Variants in RSPO3 observed in about 807,000 individuals in gnomAD.
RSPO3 encodes R-spondin-3.
Under a neutral mutation model 36.5 loss-of-function variants are expected in RSPO3, and 17 were observed. That is an observed-to-expected ratio of 0.47 (90% CI 0.32 to 0.70). RSPO3 has a LOEUF of 0.70. RSPO3 is among the 30% of genes least tolerant of loss of function. The pLI is 0.04. For synonymous variants in RSPO3, 108 were observed against 107.0 expected (o/e 1.01, Z -0.06); for missense variants, 294 against 322.5 (o/e 0.91, Z 0.68).
intron 4 of RSPO3, among the ~76,000 whole-genome samples, chr6:127,187,110 A>C (rs1775310274): frequency 6.6e-6 from 1 of 152,216 alleles, no homozygotes; most frequent in African/African-American, 2.4e-5. Context: ...GCCAGCGGGC[A>C]TGGTGGTGAG....
chr6:127,122,919 G>A (rs1773872827), intron 1 of RSPO3, among the ~76,000 whole-genome samples: 1 of 151,968 alleles, frequency 6.6e-6, no homozygotes, highest in Non-Finnish European at 1.5e-5. Flanking sequence ...TTTATTTGAT[G>A]CCATCTAGTA....
At chr6:127,158,117 C>G (rs1211894418) in intron 4 of RSPO3, among the ~76,000 whole-genome samples, 3 of 150,338 alleles carry the variant, frequency 2.0e-5, no homozygotes, top group Non-Finnish European at 4.4e-5. Flanking sequence ...TATAGAGAAG[C>G]ATATCAACAG....
chr6:127,146,672 T>A (rs189202985), intron 1 of RSPO3, among the ~76,000 whole-genome samples: 106 of 152,216 alleles, frequency 7.0e-4, no homozygotes, highest in African/African-American at 2.3e-3. Context: ...TAGGGATGGA[T>A]TGGCATGGAC....
chr6:127,124,589 T>C (rs912740408), intron 1 of RSPO3, among the ~76,000 whole-genome samples: 2 of 152,056 alleles, frequency 1.3e-5, no homozygotes. Flanking sequence ...GCCTTTGATT[T>C]TAAGGGCAAA....
chr6:127,175,591 CAT>C (rs1283751653), intron 4 of RSPO3, among the ~76,000 whole-genome samples: 1 of 151,696 alleles, frequency 6.6e-6, no homozygotes, highest in Non-Finnish European at 1.5e-5. Flanking sequence ...ATCTAAAAAT[CAT>C]AGTTTGTTTC....
intron 1 of RSPO3, among the ~76,000 whole-genome samples, chr6:127,122,557 A>C (rs985333539): frequency 2.0e-5 from 3 of 152,218 alleles, no homozygotes; most frequent in African/African-American, 4.8e-5. Context: ...AGTAACCTAC[A>C]TAATGCCATA....
At chr6:127,170,919 A>T (rs1015125230) in intron 4 of RSPO3, among the ~76,000 whole-genome samples, 1 of 151,776 alleles carries the variant, frequency 6.6e-6, no homozygotes, top group African/African-American at 2.4e-5. Flanking sequence ...AGACTTTTCA[A>T]ATTTTGGAAG....
chr6:127,182,490 A>G (rs1461916326), intron 4 of RSPO3, among the ~76,000 whole-genome samples: 2 of 151,888 alleles, frequency 1.3e-5, no homozygotes, highest in Non-Finnish European at 2.9e-5. Context: ...CAATTAAATG[A>G]GAAATATTTA....
rs869033594 is a variant in RSPO3 at position 127,159,644 on chromosome 6, CT to C, written c.634+4228del. On this transcript the variant is annotated intron_variant, in intron 4 of 4. Coordinates refer to ENST00000356698, the MANE Select transcript of RSPO3 (RefSeq NM_032784.5). ...ATATAAAGGCATTACATACATTCTC[CT>C]TTTTTTTTTTTTTTTTTTTTTGAGA... 7.3e-3 allele frequency among the ~76,000 whole-genome samples: 901 copies of C among 123,274 alleles called. 1 individual carries two copies. Among genetic ancestry groups the C allele is most frequent in the African/African-American group, 0.017 (538 of 31,326 alleles). 80.9% of individuals were successfully genotyped at this position (123,274 alleles called of 152,430 possible).
intron 1 of RSPO3, among the ~76,000 whole-genome samples, chr6:127,132,918 T>C (rs1352156265): frequency 2.0e-5 from 3 of 152,070 alleles, no homozygotes; most frequent in Admixed American, 1.3e-4. Flanking sequence ...AGGAAAGGCA[T>C]ATGTCATTTA....
chr6:127,170,982 T>A (rs1231874157), intron 4 of RSPO3, among the ~76,000 whole-genome samples: 2 of 151,848 alleles, frequency 1.3e-5, no homozygotes, highest in Non-Finnish European at 1.5e-5. Context: ...ACAGTGTGAA[T>A]GTACTTAATG....
chr6:127,192,558 A>G, intron 4 of RSPO3: 1 of 577,090 alleles, frequency 1.7e-6, no homozygotes, highest in Middle Eastern at 8.7e-4. Context: ...ATGTTACACC[A>G]TAGTGCTTCT....
chr6:127,166,616 A>G (rs1774825901), intron 4 of RSPO3, among the ~76,000 whole-genome samples: 1 of 152,078 alleles, frequency 6.6e-6, no homozygotes, highest in African/African-American at 2.4e-5. Flanking sequence ...TGCCTGGCAC[A>G]GAGTAAGCAC....
intron 4 of RSPO3, among the ~76,000 whole-genome samples, chr6:127,192,249 T>G (rs1309961411): frequency 6.6e-6 from 1 of 152,202 alleles, no homozygotes; most frequent in East Asian, 1.9e-4. Flanking sequence ...TCCCCAGGTT[T>G]TATCACACAT....
chr6:127,141,738 A>G (rs750871070), intron 1 of RSPO3, among the ~76,000 whole-genome samples: 6 of 152,206 alleles, frequency 3.9e-5, no homozygotes, highest in Admixed American at 1.3e-4. Context: ...AAGATACAGT[A>G]GACTCTATTA....
intron 4 of RSPO3, among the ~76,000 whole-genome samples, chr6:127,190,761 A>G (rs1775393704): frequency 6.6e-6 from 1 of 152,188 alleles, no homozygotes; most frequent in Non-Finnish European, 1.5e-5. Flanking sequence ...TTACAGCTCA[A>G]TGGCTCCCCT....
intron 4 of RSPO3, among the ~76,000 whole-genome samples, chr6:127,180,766 G>C (rs965745976): frequency 7.9e-5 from 12 of 151,724 alleles, no homozygotes; most frequent in African/African-American, 2.9e-4. Context: ...TAGTTTCATA[G>C]AGACCATTTA....
chr6:127,119,815 C>G (rs947712842), intron 1 of RSPO3: 1 of 152,464 alleles, frequency 6.6e-6, no homozygotes, highest in African/African-American at 2.4e-5. Flanking sequence ...AGCCAGGGAG[C>G]GAGCGCCTGC....
chr6:127,166,526 G>A (rs1279299505), intron 4 of RSPO3, among the ~76,000 whole-genome samples: 1 of 151,906 alleles, frequency 6.6e-6, no homozygotes, highest in Non-Finnish European at 1.5e-5. Context: ...TTCCTCATCT[G>A]TACAATGGGG....
Sources: gnomAD v4.1 joint callset for allele counts (sites outside exome capture counted in the v4.1 genomes callset) on GRCh38, gnomAD v4.1.1 for gene constraint, MANE v1.5 for transcripts, NCBI Gene and HGNC (gene_info 2026-07-23, HGNC 2026-07-21) for gene names.